The following PRICKLE2 variants were observed in gnomAD, a reference collection of about 807,000 sequenced individuals.
The protein encoded by PRICKLE2 is prickle planar cell polarity protein 2, also known as prickle-like protein 2.
In PRICKLE2, 21 loss-of-function variants were observed where a neutral mutation model predicts 81.4. The observed-to-expected ratio is 0.26, with a 90% CI of 0.18 to 0.37. The LOEUF is 0.37. PRICKLE2 is among the 10% of genes least tolerant of loss of function. PRICKLE2 has a pLI of 1.00. For synonymous variants in PRICKLE2, 456 were observed against 421.5 expected, an observed-to-expected ratio of 1.08 and a Z score of -1.00; for missense variants, 940 against 1,109.0, an observed-to-expected ratio of 0.85 and a Z score of 2.16.
chr3:64,168,552 G>C (rs1040766108), intron 2 of PRICKLE2, among the ~76,000 whole-genome samples: 10 of 152,158 alleles, frequency 6.6e-5, no homozygotes, highest in African/African-American at 2.4e-4. Context: ...CCTACGGCTT[G>C]ACGCGTTTTT....
intron 4 of PRICKLE2, among the ~76,000 whole-genome samples, chr3:64,159,727 T>C (rs1204897957): frequency 6.6e-6 from 1 of 152,238 alleles, no homozygotes; most frequent in Admixed American, 6.5e-5. Flanking sequence ...CCTTCCTTGC[T>C]GTATCTTTTT....
chr3:64,231,682 G>A (rs978789053), intron 2 of PRICKLE2, among the ~76,000 whole-genome samples: 1 of 152,150 alleles, frequency 6.6e-6, no homozygotes, highest in African/African-American at 2.4e-5. Flanking sequence ...ATGCCACAGA[G>A]GTACAAACTA....
chr3:64,140,961 G>A (rs563906151), intron 7 of PRICKLE2, among the ~76,000 whole-genome samples: 3 of 152,292 alleles, frequency 2.0e-5, no homozygotes, highest in African/African-American at 7.2e-5. Flanking sequence ...CCAGTTAAGT[G>A]CATGGCTTTG....
rs1360288246 is a variant in PRICKLE2 at position 64,240,158 on chromosome 3, T to C, written c.129-41191A>G. Among the ~76,000 whole-genome samples the C allele has an allele frequency of 1.3e-5, 2 of 152,020 alleles. 1 individual carries two copies. The highest frequency in any genetic ancestry group is 6.3e-3 in the Middle Eastern group (2 of 316). On this transcript the variant is annotated intron_variant, in intron 2 of 8. Coordinates refer to the PRICKLE2 transcript ENST00000295902. ...ATTTTCATTTAGCCTGCTGAATCTG[T>C]TCTTTCCATTCCATCCTAGGATTGA...
intron 5 of PRICKLE2, chr3:64,153,952 C>G (rs901409272): frequency 1.3e-5 from 2 of 154,818 alleles, no homozygotes; most frequent in African/African-American, 4.8e-5. Flanking sequence ...CAGGCCCTCA[C>G]AAGTGTTTGC....
At chr3:64,163,992 A>T (rs145321484) in intron 2 of PRICKLE2, 1 of 152,084 alleles carries the variant, frequency 6.6e-6, no homozygotes, top group Non-Finnish European at 1.5e-5. Flanking sequence ...ACTCTCAAGT[A>T]TCTCTTATTT....
upstream of PRICKLE2, among the ~76,000 whole-genome samples, chr3:64,227,569 T>A (rs753038341): frequency 6.6e-6 from 1 of 152,166 alleles, no homozygotes; most frequent in Non-Finnish European, 1.5e-5. Context: ...CACTACCAAC[T>A]TCATAAGAAT....
At chr3:64,135,306 G>C (rs1230485389) in intron 7 of PRICKLE2, among the ~76,000 whole-genome samples, 1 of 152,074 alleles carries the variant, frequency 6.6e-6, no homozygotes, top group Non-Finnish European at 1.5e-5. Context: ...CCTTGTGCAT[G>C]GGAAAAATAA....
At chr3:64,196,875 C>T (rs944922713) in intron 2 of PRICKLE2, among the ~76,000 whole-genome samples, 10 of 152,162 alleles carry the variant, frequency 6.6e-5, no homozygotes, top group Middle Eastern at 3.2e-3. Context: ...TATATCCTTA[C>T]AGGAATGAGA....
At chr3:64,150,785 G>C (rs1011485007) in intron 6 of PRICKLE2, among the ~76,000 whole-genome samples, 1 of 152,168 alleles carries the variant, frequency 6.6e-6, no homozygotes, top group African/African-American at 2.4e-5. Context: ...CTAGTTCCTC[G>C]GGATGGGGGC....
intron 3 of PRICKLE2, 95 bp from the exon 4 acceptor site, chr3:64,160,172 T>C: frequency 7.2e-7 from 1 of 1,394,494 alleles, no homozygotes; most frequent in South Asian, 1.2e-5. Context: ...AAATACACTC[T>C]CATTTGGTTT....
chr3:64,199,103 G>A (rs2078519591), intron 1 of PRICKLE2, 136 bp from the exon 2 acceptor site: 15 of 769,964 alleles, frequency 1.9e-5, no homozygotes, highest in South Asian at 1.3e-4. Flanking sequence ...AAGGCATCGC[G>A]AGCAGTGTTC....
chr3:64,145,258 T>C (rs1277708372), intron 7 of PRICKLE2: 1 of 146,438 alleles, frequency 6.8e-6, no homozygotes, highest in East Asian at 2.0e-4. Context: ...TGCCACCAAG[T>C]CCAGCTAATT....
At chr3:64,198,244 AAATAAATAAAT>A (rs2078498825) in intron 2 of PRICKLE2, among the ~76,000 whole-genome samples, 2 of 141,744 alleles carry the variant, frequency 1.4e-5, no homozygotes, top group Non-Finnish European at 3.0e-5. Context: ...ATAAATAAAT[AAATAAATAAAT>A]AAAACAAAAA....
chr3:64,197,596 T>C (rs1021743755), intron 2 of PRICKLE2, among the ~76,000 whole-genome samples: 5 of 152,058 alleles, frequency 3.3e-5, no homozygotes, highest in Non-Finnish European at 7.4e-5. Context: ...AGCAAACTAA[T>C]GGAGAAACAA....
chr3:64,098,179 A>T lies in PRICKLE2; in HGVS notation c.*872T>A, dbSNP rs2076597988. 6.6e-6 allele frequency: 1 copy of T among 152,670 alleles called. No homozygotes were observed. Among genetic ancestry groups the T allele is most frequent in the Non-Finnish European group, 1.5e-5 (1 of 68,054 alleles). 9.5% of individuals were successfully genotyped at this position (152,670 alleles called of 1,614,324 possible). A position where few individuals can be genotyped will look rare whatever the true frequency, so the allele number is the denominator to read the frequency against. ...TACTTTCCCCAAGGGATAGATCAAC[A>T]TTAAGTAACTTCAACATTCCCAGCA... is the stretch of plus-strand genomic sequence containing the variant. On this transcript the variant is annotated 3_prime_UTR_variant, in exon 8 of 8. Coordinates refer to ENST00000638394, the MANE Select transcript of PRICKLE2 (RefSeq NM_198859.4).
intron 2 of PRICKLE2, among the ~76,000 whole-genome samples, chr3:64,241,368 G>A (rs2079262695): frequency 6.6e-6 from 1 of 152,088 alleles, no homozygotes; most frequent in Non-Finnish European, 1.5e-5. Flanking sequence ...GAAACACCAG[G>A]GCGGAGAGTC....
chr3:64,147,850 AT>A lies in PRICKLE2; in HGVS notation c.788-149del, dbSNP rs1452356605. On this transcript the variant is annotated intron_variant, in intron 6 of 7. Coordinates refer to ENST00000638394, the MANE Select transcript of PRICKLE2 (RefSeq NM_198859.4). The surrounding 1 kb of genome is among the most constrained non-coding windows in gnomAD (Gnocchi z 5.0). ...AATCAACAATCAGACCCTTATGTAAATGGTATTCACGTCCTATTACGAGAAG... is the reference window on the plus strand; with the variant it reads ...AATCAACAATCAGACCCTTATGTAAAGGTATTCACGTCCTATTACGAGAAG... 2 of 846,568 alleles carry A rather than the reference AT, an allele frequency of 2.4e-6. No individual in the cohort carries two copies. The highest frequency in any genetic ancestry group is 5.2e-5 in the East Asian group (2 of 38,124). 52.4% of individuals were successfully genotyped at this position (846,568 alleles called of 1,614,324 possible).
chr3:64,242,762 A>T (rs969666413), intron 2 of PRICKLE2, among the ~76,000 whole-genome samples: 19 of 152,242 alleles, frequency 1.2e-4, no homozygotes, highest in African/African-American at 3.4e-4. Flanking sequence ...GACAGTGAGC[A>T]TCAGTCTGTG....
Sources: allele counts gnomAD v4.1 joint callset (sites outside exome capture counted in the v4.1 genomes callset), GRCh38; gene constraint gnomAD v4.1.1; non-coding constraint Gnocchi (gnomAD v3.1); transcripts MANE v1.5; gene names NCBI Gene and HGNC (gene_info 2026-07-23, HGNC 2026-07-21).